Variants in LRRTM3 observed in about 807,000 individuals in gnomAD.
The protein encoded by LRRTM3 is leucine-rich repeat transmembrane neuronal protein 3.
Under a neutral mutation model 44.7 loss-of-function variants are expected in LRRTM3, and 24 were observed. That is an observed-to-expected ratio of 0.54 (90% CI 0.39 to 0.76). LRRTM3 has a LOEUF of 0.76. LRRTM3 is among the 30% of genes least tolerant of loss of function. The pLI is 0.00. For synonymous variants in LRRTM3, 277 were observed against 278.7 expected, an observed-to-expected ratio of 0.99 and a Z score of 0.06; for missense variants, 587 against 702.2, an observed-to-expected ratio of 0.84 and a Z score of 1.85.
chr10:67,061,859 G>C (rs1247779669), intron 2 of LRRTM3, among the ~76,000 whole-genome samples: 4 of 152,112 alleles, frequency 2.6e-5, no homozygotes, highest in Non-Finnish European at 5.9e-5. Flanking sequence ...TAACATTACT[G>C]ATAAAGAATC....
chr10:66,991,917 C>T (rs2132938464), intron 2 of LRRTM3, among the ~76,000 whole-genome samples: 1 of 152,290 alleles, frequency 6.6e-6, no homozygotes, highest in Non-Finnish European at 1.5e-5. Flanking sequence ...CTATTCACCA[C>T]TCCTGTTGGC....
intron 2 of LRRTM3, among the ~76,000 whole-genome samples, chr10:67,039,687 C>T (rs745687209): frequency 3.7e-4 from 56 of 152,032 alleles, no homozygotes; most frequent in Admixed American, 8.5e-4. Flanking sequence ...ATTATGTAAA[C>T]AGTTAAGTAA....
intron 2 of LRRTM3, among the ~76,000 whole-genome samples, chr10:66,942,545 A>G (rs2132686209): frequency 7.8e-6 from 1 of 128,392 alleles, no homozygotes; most frequent in East Asian, 2.2e-4. Flanking sequence ...ACATTGCCAT[A>G]ATGTCTCTCT....
At chr10:67,066,807 T>G (rs1310530482) in intron 2 of LRRTM3, among the ~76,000 whole-genome samples, 1 of 152,244 alleles carries the variant, frequency 6.6e-6, no homozygotes, top group Non-Finnish European at 1.5e-5. Flanking sequence ...CTCTTCTAGC[T>G]TACCATCTAG....
At chr10:67,010,376 G>C (rs1052699784) in intron 2 of LRRTM3, among the ~76,000 whole-genome samples, 4 of 152,068 alleles carry the variant, frequency 2.6e-5, no homozygotes, top group African/African-American at 9.7e-5. Context: ...AAATATAAAA[G>C]GGTTTATCAT....
At chr10:66,999,472 T>G (rs1334398166) in intron 2 of LRRTM3, among the ~76,000 whole-genome samples, 4 of 152,090 alleles carry the variant, frequency 2.6e-5, no homozygotes, top group Non-Finnish European at 1.5e-5. Context: ...TGTCATCTTG[T>G]ATGGATCAGA....
chr10:67,002,373 C>T (rs553874929), intron 2 of LRRTM3, among the ~76,000 whole-genome samples: 22 of 152,214 alleles, frequency 1.4e-4, no homozygotes, highest in African/African-American at 5.3e-4. Flanking sequence ...ACATTCTATA[C>T]ATATTGAAAG....
intron 2 of LRRTM3, among the ~76,000 whole-genome samples, chr10:67,018,263 T>C (rs928448451): frequency 6.6e-5 from 10 of 152,168 alleles, no homozygotes; most frequent in African/African-American, 2.4e-4. Context: ...TGAGGCCAAC[T>C]ACAGCAAATG....
At chr10:66,998,957 CTCAA>C (rs1851525931) in intron 2 of LRRTM3, among the ~76,000 whole-genome samples, 1 of 152,030 alleles carries the variant, frequency 6.6e-6, no homozygotes, top group Non-Finnish European at 1.5e-5. Flanking sequence ...TAAAGCAAAT[CTCAA>C]TCAACACCAA....
intron 2 of LRRTM3, among the ~76,000 whole-genome samples, chr10:66,995,158 C>G (rs747518662): frequency 6.6e-6 from 1 of 152,190 alleles, no homozygotes; most frequent in Non-Finnish European, 1.5e-5. Context: ...ATTCCATAAT[C>G]TCAAACATAA....
chr10:67,062,788 A>T (rs933596939), intron 2 of LRRTM3, among the ~76,000 whole-genome samples: 1 of 152,144 alleles, frequency 6.6e-6, no homozygotes, highest in Non-Finnish European at 1.5e-5. Context: ...CACTTGCAAA[A>T]GATTTGGAAG....
intron 2 of LRRTM3, among the ~76,000 whole-genome samples, chr10:67,095,069 T>A (rs1379881270): frequency 1.3e-5 from 2 of 151,482 alleles, no homozygotes; most frequent in Non-Finnish European, 1.5e-5. Flanking sequence ...TGTATGTGTG[T>A]ACCCCTATAT....
chr10:66,995,078 G>C (rs7478674), intron 2 of LRRTM3, among the ~76,000 whole-genome samples: 77,155 of 151,968 alleles, frequency 0.51, 20,443 homozygotes, highest in East Asian at 0.78. Context: ...AGATGTGTCA[G>C]TTGAGCAACA....
chr10:66,938,679 G>C (rs1008329683), intron 2 of LRRTM3, among the ~76,000 whole-genome samples: 2 of 152,036 alleles, frequency 1.3e-5, no homozygotes, highest in Non-Finnish European at 2.9e-5. Flanking sequence ...GTATTCTTAG[G>C]AAAATACAGT....
intron 2 of LRRTM3, among the ~76,000 whole-genome samples, chr10:67,034,495 T>C (rs900144705): frequency 3.3e-5 from 5 of 152,218 alleles, no homozygotes; most frequent in African/African-American, 1.2e-4. Flanking sequence ...TCTTAGGCTC[T>C]CCCTTTCTGG....
At chr10:67,025,330 C>CA (rs200578879) in intron 2 of LRRTM3, among the ~76,000 whole-genome samples, 4,991 of 138,338 alleles carry the variant, frequency 0.036, 119 homozygotes, top group East Asian at 0.12. Context: ...TAAGCCCATG[C>CA]AAAAAAAAAA....
At chr10:67,027,591 T>G (rs1853471910) in intron 2 of LRRTM3, among the ~76,000 whole-genome samples, 1 of 151,906 alleles carries the variant, frequency 6.6e-6, no homozygotes, top group African/African-American at 2.4e-5. Flanking sequence ...TGCGCCACCA[T>G]GCCCAGCTAA....
At chr10:67,089,715 A>ATGTGTGTG (rs775306401) in intron 2 of LRRTM3, among the ~76,000 whole-genome samples, 5 of 93,262 alleles carry the variant, frequency 5.4e-5, no homozygotes, top group Admixed American at 1.0e-4. Context: ...GTGTATATAC[A>ATGTGTGTG]TATGTGTGTG....
In LRRTM3 at chr10:66,927,005, C is replaced by T; in HGVS notation, c.89C>T (p.Ala30Val). The T allele has an allele frequency of 6.2e-7, 1 of 1,614,096 alleles. No homozygotes were observed. The highest frequency in any genetic ancestry group is 8.5e-7 in the Non-Finnish European group (1 of 1,180,028). The change falls in exon 2 of 3, where the codon GCC becomes GTC. Residue 30 changes from alanine to valine, a missense_variant. Ala to Val is a moderately conservative substitution (Grantham distance 64). Transcript: ENST00000361320. The surrounding 1 kb of genome is among the most constrained non-coding windows in gnomAD (Gnocchi z 4.7). ...PTVLLTMLSS[A>V]ERGCPKGCRC... ...GTCTTACTGACAATGCTTTCTTCTG[C>T]CGAACGAGGATGCCCTAAGGGCTGT...
Sources: allele counts gnomAD v4.1 joint callset (sites outside exome capture counted in the v4.1 genomes callset), GRCh38; gene constraint gnomAD v4.1.1; non-coding constraint Gnocchi (gnomAD v3.1); transcripts MANE v1.5; gene names NCBI Gene and HGNC (gene_info 2026-07-23, HGNC 2026-07-21).